Variants in PPP3R1 observed in about 807,000 individuals in gnomAD.
PPP3R1 encodes the protein protein phosphatase 3 regulatory subunit B, alpha.
In PPP3R1, 5 loss-of-function variants were observed where a neutral mutation model predicts 22.6. The ratio of observed to expected loss-of-function variants is 0.22; its 90% CI spans 0.12 to 0.46. The LOEUF (loss-of-function observed/expected upper bound fraction) is 0.46. Ranked by LOEUF, PPP3R1 falls within the 20% of genes least tolerant of loss-of-function variation. The probability of loss-of-function intolerance (pLI) is 0.99; values close to 1 mark genes in which losing one functional copy is unlikely to be tolerated. For synonymous variants in PPP3R1, 56 were observed against 65.2 expected (o/e 0.86, Z 0.68); for missense variants, 61 against 203.2 (o/e 0.30, Z 4.25).
At chr2:68,242,166 C>T (rs1259079037) in intron 1 of PPP3R1, among the ~76,000 whole-genome samples, 1 of 152,256 alleles carries the variant, frequency 6.6e-6, no homozygotes, top group South Asian at 2.1e-4. Context: ...CGGTGGCTCA[C>T]GCGTGTAATA....
At chr2:68,216,333 A>C (rs907701904) in intron 2 of PPP3R1, among the ~76,000 whole-genome samples, 1 of 152,178 alleles carries the variant, frequency 6.6e-6, no homozygotes, top group Admixed American at 6.5e-5. Flanking sequence ...AGACATTTTA[A>C]ACATTAGAAA....
chr2:68,224,545 T>C (rs1321781731), intron 1 of PPP3R1, among the ~76,000 whole-genome samples: 1 of 151,616 alleles, frequency 6.6e-6, no homozygotes. Context: ...GCGCCTGCAA[T>C]CCCAGCTACT....
intron 2 of PPP3R1, among the ~76,000 whole-genome samples, chr2:68,215,975 A>G (rs149406568): frequency 2.4e-3 from 365 of 152,292 alleles, no homozygotes; most frequent in Middle Eastern, 0.01. Context: ...TTTATATATC[A>G]ATTAGTTGTT....
intron 1 of PPP3R1, 151 bp downstream of exon 1, chr2:68,251,974 G>T: frequency 1.3e-6 from 1 of 779,898 alleles, no homozygotes. Flanking sequence ...TCTCCGGCTC[G>T]CCCGCAACCG....
At chr2:68,194,281 T>C (rs1023997351) in intron 2 of PPP3R1, among the ~76,000 whole-genome samples, 2 of 152,130 alleles carry the variant, frequency 1.3e-5, no homozygotes, top group African/African-American at 4.8e-5. Context: ...TGTTGAGACT[T>C]AACCTCGATC....
At chr2:68,209,578 C>G (rs1669430784) in intron 2 of PPP3R1, among the ~76,000 whole-genome samples, 1 of 151,524 alleles carries the variant, frequency 6.6e-6, no homozygotes, top group African/African-American at 2.4e-5. Flanking sequence ...CATAATAAAA[C>G]CCGGACTCTA....
chr2:68,186,720 A>G, intron 4 of PPP3R1, 68 bp from the exon 5 acceptor site: 1 of 1,326,458 alleles, frequency 7.5e-7, no homozygotes, highest in Admixed American at 2.4e-5. Flanking sequence ...TCAGTAAGAA[A>G]GAAAATAGTA....
In PPP3R1 at chr2:68,252,349, C is replaced by G. The variant is rs1476146890; in HGVS notation, c.-222G>C. 2.1e-5 allele frequency: 21 copies of G among 1,009,934 alleles called. No homozygotes were observed. Among genetic ancestry groups the G allele is most frequent in the Non-Finnish European group, 2.4e-5 (20 of 847,554 alleles). 62.6% of individuals were successfully genotyped at this position (1,009,934 alleles called of 1,614,324 possible). On this transcript the variant is annotated 5_prime_UTR_variant, in exon 1 of 6. Coordinates refer to ENST00000234310, the MANE Select transcript of PPP3R1 (RefSeq NM_000945.4). Reference sequence around the variant, plus strand: ...AGGGTAGGGGGAAATAAATTAAGGTCGAGATTCAGAGCCGGAGAGCGCGGG... The same window carrying G: ...AGGGTAGGGGGAAATAAATTAAGGTGGAGATTCAGAGCCGGAGAGCGCGGG...
intron 1 of PPP3R1, among the ~76,000 whole-genome samples, chr2:68,251,332 A>C (rs1369100054): frequency 6.6e-6 from 1 of 152,224 alleles, no homozygotes; most frequent in Non-Finnish European, 1.5e-5. Context: ...CCATGATTCA[A>C]AAACAACCAC....
intron 5 of PPP3R1, among the ~76,000 whole-genome samples, chr2:68,181,428 A>G (rs1008486014): frequency 9.9e-5 from 15 of 151,858 alleles, no homozygotes; most frequent in African/African-American, 3.6e-4. Flanking sequence ...AGCTATATTC[A>G]GAAGGTGAAT....
chr2:68,223,126 T>C (rs557655754), intron 1 of PPP3R1, among the ~76,000 whole-genome samples: 1 of 152,154 alleles, frequency 6.6e-6, no homozygotes, highest in African/African-American at 2.4e-5. Context: ...CCGGGCGCGG[T>C]GGCTCACGCC....
Position 68,217,072 on chromosome 2 carries a change from G to T in PPP3R1, c.43+20C>A. 1 of 1,555,346 alleles carries T rather than the reference G, an allele frequency of 6.4e-7. No individual in the cohort carries two copies. The highest frequency in any genetic ancestry group is 8.8e-7 in the Non-Finnish European group (1 of 1,137,108). ...GATGAGTGAATAAAAGTAACTTTTG[G>T]TAACAAGAATATGACTTACAGTGTG... On this transcript the variant is annotated intron_variant, in intron 2 of 5. Coordinates refer to ENST00000234310, the MANE Select transcript of PPP3R1 (RefSeq NM_000945.4).
intron 2 of PPP3R1, among the ~76,000 whole-genome samples, chr2:68,208,493 C>A (rs1431490442): frequency 6.6e-6 from 1 of 152,178 alleles, no homozygotes; most frequent in Non-Finnish European, 1.5e-5. Flanking sequence ...AAACTGCTGG[C>A]AAGCAGCAGT....
At chr2:68,244,240 CCT>C (rs1050941895) in intron 1 of PPP3R1, among the ~76,000 whole-genome samples, 11 of 152,256 alleles carry the variant, frequency 7.2e-5, no homozygotes, top group South Asian at 2.1e-4. Flanking sequence ...GGTTAAAACC[CCT>C]GTTTTCTAGA....
intron 1 of PPP3R1, among the ~76,000 whole-genome samples, chr2:68,224,959 G>A (rs1048650621): frequency 6.6e-6 from 1 of 152,154 alleles, no homozygotes; most frequent in Non-Finnish European, 1.5e-5. Flanking sequence ...CTAGACATTA[G>A]AGAAATGCAA....
At chr2:68,221,988 C>A (rs1669695568) in intron 1 of PPP3R1, among the ~76,000 whole-genome samples, 1 of 151,844 alleles carries the variant, frequency 6.6e-6, no homozygotes, top group Admixed American at 6.6e-5. Flanking sequence ...AAAGAAAATT[C>A]TTCAGGCAGA....
Position 68,178,995 on chromosome 2 carries a change from T to TAAAAAAAAA in PPP3R1, c.*1959_*1967dup, listed in dbSNP as rs560363918. 1 of 93,750 alleles carries TAAAAAAAAA rather than the reference T, an allele frequency of 1.1e-5. No individual in the cohort carries two copies. Among genetic ancestry groups the TAAAAAAAAA allele is most frequent in the Non-Finnish European group, 2.0e-5 (1 of 48,818 alleles). The allele number at this position is 93,750 out of a possible 1,614,324, so 5.8% of individuals were successfully genotyped here. A position where few individuals can be genotyped will look rare whatever the true frequency, so the allele number is the denominator to read the frequency against. Reference sequence around the variant, plus strand: ...CCCTTACCCACCCCCACACACAAACTAAAAAAAAAAAAAAAAAAAAAGAAA... The same window carrying TAAAAAAAAA: ...CCCTTACCCACCCCCACACACAAACTAAAAAAAAAAAAAAAAAAAAAAAAAAAAAAGAAA... On this transcript the variant is annotated 3_prime_UTR_variant, in exon 6 of 6. Coordinates refer to ENST00000234310, the MANE Select transcript of PPP3R1 (RefSeq NM_000945.4).
chr2:68,228,746 GCTTTT>G (rs1036252122), intron 1 of PPP3R1, among the ~76,000 whole-genome samples: 11 of 151,284 alleles, frequency 7.3e-5, no homozygotes, highest in South Asian at 6.2e-4. Flanking sequence ...ATTTGAGGGG[GCTTTT>G]CTTTTCCTCT....
rs146912359 is a variant in PPP3R1, at chr2:68,240,409, T to A, written c.3+11716A>T. ...CTCAAACTCTGCTAAATTGAACTTG[T>A]ATGAAGATTTTTTCCTTTTAACAGA... On this transcript the variant is annotated intron_variant, in intron 1 of 5. Coordinates refer to ENST00000234310, the MANE Select transcript of PPP3R1 (RefSeq NM_000945.4). Among the ~76,000 whole-genome samples the A allele has an allele frequency of 2.0e-5, 3 of 152,312 alleles. No homozygotes were observed. The East Asian group carries it at 5.8e-4, about 29-fold the overall frequency.
Sources: gnomAD v4.1 joint callset for allele counts (sites outside exome capture counted in the v4.1 genomes callset) on GRCh38, gnomAD v4.1.1 for gene constraint, MANE v1.5 for transcripts, NCBI Gene and HGNC (gene_info 2026-07-23, HGNC 2026-07-21) for gene names.